ZDHHC14: variants seen among roughly 807,000 people sequenced by gnomAD.
ZDHHC14 encodes zDHHC palmitoyltransferase 14, also known as palmitoyltransferase ZDHHC14.
Under a neutral mutation model 47.7 loss-of-function variants are expected in ZDHHC14, and 16 were observed. The ratio of observed to expected loss-of-function variants is 0.34; its 90% CI spans 0.23 to 0.51. The LOEUF (loss-of-function observed/expected upper bound fraction) is 0.51, where lower values mean the gene tolerates loss of function less well. ZDHHC14 is among the 20% of genes least tolerant of loss of function. The pLI is 0.97. For missense variants in ZDHHC14, 515 were observed against 662.5 expected (o/e 0.78, Z 2.44); for synonymous variants, 293 against 278.9 (o/e 1.05, Z -0.50).
intron 1 of ZDHHC14, among the ~76,000 whole-genome samples, chr6:157,509,745 T>C (rs1780415337): frequency 6.6e-6 from 1 of 152,244 alleles, no homozygotes; most frequent in African/African-American, 2.4e-5. Flanking sequence ...GTGCTTTCCT[T>C]TTCATTCATA....
chr6:157,541,005 T>C (rs1443054151), intron 1 of ZDHHC14, among the ~76,000 whole-genome samples: 2 of 151,190 alleles, frequency 1.3e-5, no homozygotes, highest in African/African-American at 4.9e-5. Flanking sequence ...TATTTGGAAA[T>C]AATTTCAAAC....
intron 2 of ZDHHC14, among the ~76,000 whole-genome samples, chr6:157,548,620 A>T (rs78378465): frequency 0.16 from 23,582 of 151,918 alleles, 1,959 homozygotes; most frequent in Non-Finnish European, 0.19. Context: ...CTAATTTTGT[A>T]TTTTTAGTAA....
intron 1 of ZDHHC14, among the ~76,000 whole-genome samples, chr6:157,444,640 T>C (rs1778623501): frequency 6.6e-6 from 1 of 150,696 alleles, no homozygotes; most frequent in South Asian, 2.1e-4. Context: ...ATTGCACCAT[T>C]GCACCCCAGC....
At chr6:157,659,293 CTGTGAA>C (rs1215186869) in intron 8 of ZDHHC14, among the ~76,000 whole-genome samples, 2 of 152,240 alleles carry the variant, frequency 1.3e-5, no homozygotes, top group African/African-American at 4.8e-5. Context: ...TTTAAACATT[CTGTGAA>C]ATGCACATGC....
At chr6:157,500,764 C>T (rs1299393031) in intron 1 of ZDHHC14, among the ~76,000 whole-genome samples, 1 of 152,180 alleles carries the variant, frequency 6.6e-6, no homozygotes, top group Non-Finnish European at 1.5e-5. Context: ...GAAGGATGGA[C>T]AAAGCCTTAA....
At chr6:157,518,080 C>A (rs1290543306) in intron 1 of ZDHHC14, among the ~76,000 whole-genome samples, 1 of 152,038 alleles carries the variant, frequency 6.6e-6, no homozygotes, top group African/African-American at 2.4e-5. Context: ...ACCCAGCAGG[C>A]TAAAGCTTGC....
rs539370918 is a variant in ZDHHC14, at chr6:157,639,721, G to A, written c.753-6016G>A. Among the ~76,000 whole-genome samples, 7 of 152,288 alleles carry A rather than the reference G, an allele frequency of 4.6e-5. No individual in the cohort carries two copies. In the South Asian group the frequency reaches 8.3e-4, roughly 18 times the overall value. ...CTCAGTAGGGAGAAGCAGGGCAGTG[G>A]GATCCGTGCCTGGGGAGGGGTGAGG... On this transcript the variant is annotated intron_variant, in intron 5 of 8. Transcript: ENST00000359775.
chr6:157,556,743 TG>T (rs1443065234), intron 2 of ZDHHC14, among the ~76,000 whole-genome samples: 2 of 152,036 alleles, frequency 1.3e-5, no homozygotes, highest in East Asian at 3.9e-4. Flanking sequence ...GACACGAGGC[TG>T]GTGTTGAAGC....
intron 1 of ZDHHC14, among the ~76,000 whole-genome samples, chr6:157,424,944 A>C (rs1778187448): frequency 1.3e-5 from 2 of 152,124 alleles, no homozygotes; most frequent in South Asian, 4.2e-4. Flanking sequence ...CTCACTCTTC[A>C]GTCCATAGCC....
intron 2 of ZDHHC14, among the ~76,000 whole-genome samples, chr6:157,558,667 C>A (rs1782578546): frequency 6.6e-6 from 1 of 151,964 alleles, no homozygotes; most frequent in Admixed American, 6.6e-5. Flanking sequence ...TCATTTCAGG[C>A]CCTTATGATT....
At chr6:157,386,963 A>G (rs552646359) in intron 1 of ZDHHC14, among the ~76,000 whole-genome samples, 10 of 152,304 alleles carry the variant, frequency 6.6e-5, no homozygotes, top group Non-Finnish European at 1.3e-4. Flanking sequence ...ACAAACTGAG[A>G]GGCTGGGTGA....
chr6:157,667,749 C>T (rs6913653), intron 8 of ZDHHC14, among the ~76,000 whole-genome samples: 30,718 of 152,108 alleles, frequency 0.2, 4,522 homozygotes, highest in African/African-American at 0.41. Flanking sequence ...GAACCCATCG[C>T]CCTTGGAATT....
chr6:157,523,411 T>G (rs1022727632), intron 1 of ZDHHC14, among the ~76,000 whole-genome samples: 5 of 152,160 alleles, frequency 3.3e-5, no homozygotes, highest in Admixed American at 2.0e-4. Flanking sequence ...TTTTTGTGTA[T>G]CCTCTTGAGG....
chr6:157,540,354 T>G (rs1781700080), intron 1 of ZDHHC14, among the ~76,000 whole-genome samples: 1 of 152,146 alleles, frequency 6.6e-6, no homozygotes, highest in African/African-American at 2.4e-5. Flanking sequence ...ATGCTAGAAC[T>G]TGCTGTAAGA....
intron 8 of ZDHHC14, among the ~76,000 whole-genome samples, chr6:157,657,989 A>C (rs1778177217): frequency 6.6e-6 from 1 of 152,118 alleles, no homozygotes; most frequent in Non-Finnish European, 1.5e-5. Flanking sequence ...TGATATTCTT[A>C]CCTTGTAGGG....
At chr6:157,601,932 G>A (rs952384105) in intron 3 of ZDHHC14, among the ~76,000 whole-genome samples, 11 of 152,204 alleles carry the variant, frequency 7.2e-5, no homozygotes, top group African/African-American at 2.4e-4. Context: ...GGCTGGGCGC[G>A]GTGGCTCACG....
At chr6:157,490,220 C>T (rs1193830677) in intron 1 of ZDHHC14, among the ~76,000 whole-genome samples, 7 of 152,190 alleles carry the variant, frequency 4.6e-5, no homozygotes, top group African/African-American at 7.2e-5. Context: ...AAGGGTCTCA[C>T]AAATTACTGT....
intron 1 of ZDHHC14, among the ~76,000 whole-genome samples, chr6:157,526,098 G>T (rs560672655): frequency 1.3e-5 from 2 of 152,324 alleles, no homozygotes; most frequent in South Asian, 4.1e-4. Context: ...CAGCAGGGAA[G>T]TGTGAAGGTT....
At chr6:157,590,591 G>C (rs1321403334) in intron 2 of ZDHHC14, among the ~76,000 whole-genome samples, 1 of 152,244 alleles carries the variant, frequency 6.6e-6, no homozygotes, top group Non-Finnish European at 1.5e-5. Flanking sequence ...GAAATGCCTG[G>C]ATGTCTAGGC....
Sources: allele counts gnomAD v4.1 joint callset (sites outside exome capture counted in the v4.1 genomes callset), GRCh38; gene constraint gnomAD v4.1.1; transcripts MANE v1.5; gene names NCBI Gene and HGNC (gene_info 2026-07-23, HGNC 2026-07-21).